OR51I2: variants seen among roughly 807,000 people sequenced by gnomAD.
OR51I2 encodes olfactory receptor family 51 subfamily I member 2, also known as olfactory receptor 51I2.
OR51I2 carries 6 observed loss-of-function variants against 9.3 expected under a neutral mutation model. That is an observed-to-expected ratio of 0.64 (90% CI 0.35 to 1.27). OR51I2 has a LOEUF of 1.27. Ranked by LOEUF, OR51I2 falls within the 50% of genes most tolerant of loss-of-function variation. The probability of loss-of-function intolerance (pLI) is 0.03; values close to 1 mark genes in which losing one functional copy is unlikely to be tolerated. For missense variants in OR51I2, 489 were observed against 396.4 expected, an observed-to-expected ratio of 1.23 and a Z score of -1.98; for synonymous variants, 179 against 143.1, an observed-to-expected ratio of 1.25 and a Z score of -1.79.
intron 1 of OR51I2, among the ~76,000 whole-genome samples, chr11:5,450,198 G>A (rs975677422): frequency 2.0e-5 from 3 of 151,956 alleles, no homozygotes; most frequent in African/African-American, 4.8e-5. Flanking sequence ...AGACCAGCCT[G>A]GCCAATATGG....
At chr11:5,452,482 G>A (rs1020458857) in intron 1 of OR51I2, among the ~76,000 whole-genome samples, 2 of 113,064 alleles carry the variant, frequency 1.8e-5, no homozygotes, top group African/African-American at 3.4e-5. Flanking sequence ...TCCAGCCTGG[G>A]CAAAAGAGAG....
chr11:5,454,164 A>G lies in OR51I2; in HGVS notation c.676A>G (p.Met226Val), dbSNP rs1850911605. The G allele has an allele frequency of 6.2e-7, 1 of 1,613,872 alleles. No individual in the cohort carries two copies. The highest frequency in any genetic ancestry group is 1.3e-5 in the African/African-American group (1 of 74,866). Residue 226 changes from methionine (M) to valine (V), a missense_variant, in exon 2 of 2, where the codon ATG (methionine) becomes GTG (valine). Met to Val is a conservative substitution (Grantham distance 21). Coordinates refer to ENST00000641930, the MANE Select transcript of OR51I2 (RefSeq NM_001004754.3). The stretch of plus-strand genomic sequence containing the variant: ...CTATGTGCTCATTCTGCGTTCTGTC[A>G]TGGCCACTGCTTCCCGTGAGGAACG... ...LSYVLILRSVMATASREERLK... is the reference protein window; with the variant it reads ...LSYVLILRSVVATASREERLK...
In OR51I2 at chr11:5,454,964, A is replaced by G. The variant is rs1714962552; in HGVS notation, c.*537A>G. 6.6e-6 allele frequency: 1 copy of G among 152,598 alleles called. No individual in the cohort carries two copies. The highest frequency in any genetic ancestry group is 1.9e-4 in the East Asian group (1 of 5,206). The allele number at this position is 152,598 out of a possible 1,614,324, so 9.5% of individuals were successfully genotyped here. A position where few individuals can be genotyped will look rare whatever the true frequency, so the allele number is the denominator to read the frequency against. On this transcript the variant is annotated 3_prime_UTR_variant, in exon 2 of 2. Transcript: ENST00000641930. ...GACGGTCAAATTGGCATCATTTAAC[A>G]TTACCATTGCTGCCTTTGCTTTCCC...
intron 1 of OR51I2, among the ~76,000 whole-genome samples, chr11:5,452,079 A>G (rs1850861195): frequency 6.6e-6 from 1 of 152,220 alleles, no homozygotes; most frequent in African/African-American, 2.4e-5. Context: ...GCAGTCCCCA[A>G]GCATGTAGAT....
chr11:5,454,347 C>G lies in OR51I2; in HGVS notation c.859C>G (p.Leu287Val). 1 of 1,614,112 alleles carries G rather than the reference C, an allele frequency of 6.2e-7. No homozygotes were observed. Among genetic ancestry groups the G allele is most frequent in the Non-Finnish European group, 8.5e-7 (1 of 1,180,026 alleles). The change falls in exon 2 of 2, where the codon CTC (leucine) becomes GTC (valine). Residue 287 changes from leucine (L) to valine (V), a missense_variant. Transcript: ENST00000641930. ...TGTGTACCTATTTGTGCCTCCTGTG[C>G]TCAACCCTCTCATTTATAGCGCCAA... is the stretch of plus-strand genomic sequence containing the variant. ...SNVYLFVPPV[L>V]NPLIYSAKTK...
chr11:5,454,576 A>T lies in OR51I2; in HGVS notation c.*149A>T, dbSNP rs1590005129. 2 of 627,338 alleles carry T rather than the reference A, an allele frequency of 3.2e-6. No homozygotes were observed. Among genetic ancestry groups the T allele is most frequent in the Middle Eastern group, 3.0e-4 (1 of 3,282 alleles). The allele number at this position is 627,338 out of a possible 1,614,324, so 38.9% of individuals were successfully genotyped here. ...GATGCAAAACTTATAACACAAAACA[A>T]GGAGTTCCAAATGAATAGTACATTC... is the stretch of plus-strand genomic sequence containing the variant. On this transcript the variant is annotated 3_prime_UTR_variant, in exon 2 of 2. Coordinates refer to ENST00000641930, the MANE Select transcript of OR51I2 (RefSeq NM_001004754.3).
intron 1 of OR51I2, among the ~76,000 whole-genome samples, chr11:5,450,425 A>G (rs1016032443): frequency 3.9e-5 from 6 of 152,182 alleles, no homozygotes; most frequent in African/African-American, 1.2e-4. Flanking sequence ...ATGAATAAAA[A>G]TAAGACATAG....
chr11:5,449,554 G>A (rs1292368523), intron 1 of OR51I2, among the ~76,000 whole-genome samples, 190 bp downstream of exon 1: 1 of 152,170 alleles, frequency 6.6e-6, no homozygotes. Flanking sequence ...TCTTGTTCTG[G>A]CACTGCCATG....
In OR51I2 at chr11:5,453,548, G is replaced by A. The variant is rs867332360; in HGVS notation, c.60G>A (p.Leu20=). ...TCCTCCTGACTGGTATCCCTGGTCT[G>A]GAGAGCTCTCACTCCTGGCTGTCAG... is the stretch of plus-strand genomic sequence containing the variant. ...AFFLLTGIPG[L]ESSHSWLSGP... The change falls in exon 2 of 2, where the codon CTG becomes CTA. Residue 20 remains leucine (L), a synonymous_variant. Transcript: ENST00000641930. The A allele has an allele frequency of 6.2e-7, 1 of 1,606,956 alleles. No homozygotes were observed. The highest frequency in any genetic ancestry group is 8.5e-7 in the Non-Finnish European group (1 of 1,176,796).
rs974144332 is a variant in OR51I2 at position 5,455,015 on chromosome 11, T to C, written c.*588T>C. The C allele has an allele frequency of 1.3e-5, 2 of 152,370 alleles. No homozygotes were observed. The highest frequency in any genetic ancestry group is 2.9e-5 in the Non-Finnish European group (2 of 68,170). 9.4% of individuals were successfully genotyped at this position (152,370 alleles called of 1,614,324 possible). On this transcript the variant is annotated 3_prime_UTR_variant, in exon 2 of 2. Coordinates refer to ENST00000641930, the MANE Select transcript of OR51I2 (RefSeq NM_001004754.3). The stretch of plus-strand genomic sequence containing the variant: ...CACCACTGTCATTCTCAAACACTCA[T>C]ACATTGCTTTAACTTCACAAAGTGA...
chr11:5,456,245 C>T lies in OR51I2; in HGVS notation c.*1818C>T, dbSNP rs1564819587. 6.6e-6 allele frequency: 1 copy of T among 152,100 alleles called. No individual in the cohort carries two copies. Among genetic ancestry groups the T allele is most frequent in the Non-Finnish European group, 1.5e-5 (1 of 68,026 alleles). 9.4% of individuals were successfully genotyped at this position (152,100 alleles called of 1,614,324 possible). A position where few individuals can be genotyped will look rare whatever the true frequency, so the allele number is the denominator to read the frequency against. On this transcript the variant is annotated 3_prime_UTR_variant, in exon 2 of 2. Coordinates refer to ENST00000641930, the MANE Select transcript of OR51I2 (RefSeq NM_001004754.3). ...GGGCAAGGAACAAGAAAATATGAGC[C>T]TCCCAAAAAGCCTCTGGCTCCTTTG...
Position 5,455,670 on chromosome 11 carries a change from A to T in OR51I2, c.*1243A>T, listed in dbSNP as rs1357315195. ...GTAGTCTAACTTAACTCACCATGGA[A>T]ACTCATCCAGAAACCACGTAGTAGC... is the stretch of plus-strand genomic sequence containing the variant. On this transcript the variant is annotated 3_prime_UTR_variant, in exon 2 of 2. Transcript: ENST00000641930. The T allele has an allele frequency of 6.6e-6, 1 of 151,754 alleles. No individual in the cohort carries two copies. Among genetic ancestry groups the T allele is most frequent in the Non-Finnish European group, 1.5e-5 (1 of 68,028 alleles). The allele number at this position is 151,754 out of a possible 1,614,324, so 9.4% of individuals were successfully genotyped here. A position where few individuals can be genotyped will look rare whatever the true frequency, so the allele number is the denominator to read the frequency against.
At chr11:5,452,582 GCGACTTTA>G (rs1850872973) in intron 1 of OR51I2, among the ~76,000 whole-genome samples, 1 of 96,928 alleles carries the variant, frequency 1.0e-5, no homozygotes, top group African/African-American at 3.8e-5. Context: ...CACAACAAGA[GCGACTTTA>G]CGAGATATGG....
intron 1 of OR51I2, among the ~76,000 whole-genome samples, chr11:5,453,011 CTCAT>C (rs1850881341): frequency 7.3e-6 from 1 of 136,496 alleles, no homozygotes; most frequent in South Asian, 2.1e-4. Context: ...GGGAAAGTCT[CTCAT>C]TAATTTGTGA....
intron 1 of OR51I2, among the ~76,000 whole-genome samples, chr11:5,451,763 T>G (rs981561165): frequency 1.3e-5 from 2 of 152,022 alleles, no homozygotes; most frequent in Admixed American, 1.3e-4. Context: ...TTGTTAGAGG[T>G]TGGAGAGGAA....
chr11:5,453,522 T>C lies in OR51I2; in HGVS notation c.34T>C (p.Phe12Leu), dbSNP rs1564818223. The change falls in exon 2 of 2, where the codon TTC (phenylalanine) becomes CTC (leucine). Residue 12 changes from phenylalanine to leucine, a missense_variant. Physicochemically the swap from Phe to Leu is conservative, Grantham distance 22. Transcript: ENST00000641930. ...GTTCAATGTCACTCACCCTGCATTC[T>C]TCCTCCTGACTGGTATCCCTGGTCT... ...GLFNVTHPAF[F>L]LLTGIPGLES... is the part of the protein sequence containing the mutation. The C allele has an allele frequency of 2.5e-6, 4 of 1,581,340 alleles. No homozygotes were observed. The highest frequency in any genetic ancestry group is 3.4e-6 in the Non-Finnish European group (4 of 1,166,636).
rs1009352401 is a variant in OR51I2, at chr11:5,455,943, T to C, written c.*1516T>C. On this transcript the variant is annotated 3_prime_UTR_variant, in exon 2 of 2. Transcript: ENST00000641930. ...AGTATGATTTCCAATGGAAAATTAT[T>C]AGAATATTTAGTGGTTTAAAGTATG... is the stretch of plus-strand genomic sequence containing the variant. The C allele has an allele frequency of 6.6e-6, 1 of 152,208 alleles. No homozygotes were observed. Among genetic ancestry groups the C allele is most frequent in the Non-Finnish European group, 1.5e-5 (1 of 68,034 alleles). 9.4% of individuals were successfully genotyped at this position (152,208 alleles called of 1,614,324 possible). A position where few individuals can be genotyped will look rare whatever the true frequency, so the allele number is the denominator to read the frequency against.
Position 5,453,488 on chromosome 11 carries a change from T to C in OR51I2, c.-1T>C. 1.3e-6 allele frequency: 2 copies of C among 1,532,922 alleles called. No homozygotes were observed. Among genetic ancestry groups the C allele is most frequent in the East Asian group, 2.3e-5 (1 of 44,150 alleles). 95.0% of individuals were successfully genotyped at this position (1,532,922 alleles called of 1,614,324 possible). The stretch of plus-strand genomic sequence containing the variant: ...GAAAAGTACCCTAAGTTTGTTTTGC[T>C]ATGGGGTTGTTCAATGTCACTCACC... On this transcript the variant is annotated 5_prime_UTR_variant, in exon 2 of 2. Transcript: ENST00000641930.
Position 5,454,267 on chromosome 11 carries a change from C to G in OR51I2, c.779C>G (p.Thr260Arg), listed in dbSNP as rs775402521. The G allele has an allele frequency of 3.7e-6, 6 of 1,614,216 alleles. No individual in the cohort carries two copies. In the Admixed American group the frequency reaches 5.0e-5, roughly 13 times the overall value. Residue 260 changes from threonine (T) to arginine (R), a missense_variant, in exon 2 of 2, where the codon ACA (threonine) becomes AGA (arginine). Coordinates refer to ENST00000641930, the MANE Select transcript of OR51I2 (RefSeq NM_001004754.3). Reference protein sequence around the residue: ...AFYVPMIGVSTVHRFGKHVPC... With the variant: ...AFYVPMIGVSRVHRFGKHVPC... ...TATGTGCCAATGATTGGGGTCTCCACAGTGCACCGCTTTGGGAAGCATGTC... is the reference window on the plus strand; with the variant it reads ...TATGTGCCAATGATTGGGGTCTCCAGAGTGCACCGCTTTGGGAAGCATGTC...
Sources: allele counts gnomAD v4.1 joint callset (sites outside exome capture counted in the v4.1 genomes callset), GRCh38; gene constraint gnomAD v4.1.1; transcripts MANE v1.5; gene names NCBI Gene and HGNC (gene_info 2026-07-23, HGNC 2026-07-21).